The following CNTNAP2 variants were observed in gnomAD, a reference collection of about 807,000 sequenced individuals.
CNTNAP2 encodes contactin-associated protein-like 2.
In CNTNAP2, 98 loss-of-function variants were observed where a neutral mutation model predicts 155.2. The observed-to-expected ratio is 0.63, with a 90% CI of 0.54 to 0.75. The LOEUF is 0.75. Ranked by LOEUF, CNTNAP2 falls within the 30% of genes least tolerant of loss-of-function variation. CNTNAP2 has a pLI of 0.00. For missense variants in CNTNAP2, 1,727 were observed against 1,688.1 expected (o/e 1.02, Z -0.40); for synonymous variants, 651 against 631.2 (o/e 1.03, Z -0.47).
chr7:147,778,187 T>A (rs1392639927), intron 13 of CNTNAP2, among the ~76,000 whole-genome samples: 1 of 152,230 alleles, frequency 6.6e-6, no homozygotes, highest in African/African-American at 2.4e-5. Context: ...AGCCTTTTGA[T>A]TACAGTGCCA....
intron 1 of CNTNAP2, among the ~76,000 whole-genome samples, chr7:146,123,611 A>G (rs1011580847): frequency 3.3e-5 from 5 of 152,200 alleles, no homozygotes; most frequent in African/African-American, 1.2e-4. Flanking sequence ...GTGAAAAGGA[A>G]AATCTTGCCT....
chr7:146,689,775 TTTAAG>T (rs1800666131), intron 1 of CNTNAP2, among the ~76,000 whole-genome samples: 1 of 152,108 alleles, frequency 6.6e-6, no homozygotes, highest in Admixed American at 6.6e-5. Context: ...GCATTTCACA[TTTAAG>T]TTATTTTCTG....
chr7:147,146,507 C>T (rs902377152), intron 8 of CNTNAP2: 7 of 153,008 alleles, frequency 4.6e-5, no homozygotes, highest in East Asian at 1.9e-4. Flanking sequence ...GTGTTATAAA[C>T]GAGTAACTCC....
chr7:147,401,503 G>T (rs1288748163), intron 10 of CNTNAP2, among the ~76,000 whole-genome samples: 3 of 152,052 alleles, frequency 2.0e-5, no homozygotes, highest in African/African-American at 7.2e-5. Context: ...TTTAAATGAG[G>T]ATTAGGTAGA....
intron 2 of CNTNAP2, among the ~76,000 whole-genome samples, chr7:146,816,213 G>A (rs1424623086): frequency 1.3e-5 from 2 of 152,062 alleles, no homozygotes; most frequent in Non-Finnish European, 2.9e-5. Context: ...TGGTACTCAT[G>A]GTATGTGCTC....
intron 12 of CNTNAP2, among the ~76,000 whole-genome samples, chr7:147,578,345 T>C (rs896025906): frequency 6.6e-6 from 1 of 152,126 alleles, no homozygotes; most frequent in African/African-American, 2.4e-5. Context: ...GCATTTAGAA[T>C]TTAGAGGGCT....
intron 13 of CNTNAP2, among the ~76,000 whole-genome samples, chr7:147,659,158 C>G (rs75271817): frequency 0.061 from 9,224 of 152,184 alleles, 849 homozygotes; most frequent in African/African-American, 0.2. Flanking sequence ...TGGGTGGACT[C>G]AGAAGATGTG....
rs71525975 is a variant in CNTNAP2 at position 146,829,333 on chromosome 7, TA to T, written c.209-10368del. On this transcript the variant is annotated intron_variant, in intron 2 of 23. Coordinates refer to ENST00000361727, the MANE Select transcript of CNTNAP2 (RefSeq NM_014141.6). ...TTATGTCTGGATATTATCAGCACTG[TA>T]AAAAAAAAAGTTCTAATAACTTTTG... 9.9e-4 allele frequency among the ~76,000 whole-genome samples: 147 copies of T among 148,182 alleles called. 1 individual carries two copies. Among genetic ancestry groups the T allele is most frequent in the East Asian group, 2.4e-3 (12 of 5,100 alleles).
chr7:146,298,713 A>G (rs528024112), intron 1 of CNTNAP2, among the ~76,000 whole-genome samples: 3 of 152,342 alleles, frequency 2.0e-5, no homozygotes, highest in South Asian at 4.1e-4. Flanking sequence ...ATGCATGTTC[A>G]ACACTGGAGA....
At chr7:146,173,845 A>G (rs1479442215) in intron 1 of CNTNAP2, among the ~76,000 whole-genome samples, 2 of 152,174 alleles carry the variant, frequency 1.3e-5, no homozygotes, top group Non-Finnish European at 2.9e-5. Flanking sequence ...ATATGTGGAT[A>G]AAAGTGTGCT....
chr7:147,315,475 G>A (rs1211959391), intron 9 of CNTNAP2, among the ~76,000 whole-genome samples: 1 of 128,862 alleles, frequency 7.8e-6, no homozygotes, highest in African/African-American at 2.9e-5. Flanking sequence ...TGTTTATTCT[G>A]GACTTTTTTT....
intron 13 of CNTNAP2, among the ~76,000 whole-genome samples, chr7:147,779,041 C>A (rs1797628399): frequency 1.3e-5 from 2 of 152,144 alleles, no homozygotes; most frequent in Admixed American, 6.5e-5. Context: ...GAGAAATACA[C>A]AAATTACTCT....
At chr7:146,551,702 G>T (rs543480897) in intron 1 of CNTNAP2, among the ~76,000 whole-genome samples, 1 of 152,116 alleles carries the variant, frequency 6.6e-6, no homozygotes, top group African/African-American at 2.4e-5. Flanking sequence ...TTTATTTTCT[G>T]GTCTATGTAT....
chr7:147,525,967 C>T (rs1482578540), intron 11 of CNTNAP2, among the ~76,000 whole-genome samples: 1 of 151,868 alleles, frequency 6.6e-6, no homozygotes, highest in Non-Finnish European at 1.5e-5. Context: ...TTGAGGCAGG[C>T]AGATCACTTG....
intron 14 of CNTNAP2, among the ~76,000 whole-genome samples, chr7:147,946,510 A>G (rs1922887): frequency 6.6e-6 from 1 of 151,920 alleles, no homozygotes; most frequent in Admixed American, 6.6e-5. Context: ...AAGGTTTTAC[A>G]CAAAACTTTA....
chr7:146,508,917 GCCCCCTGCAGAAGGAGTACCTT>G (rs1797425640), intron 1 of CNTNAP2, among the ~76,000 whole-genome samples: 1 of 152,080 alleles, frequency 6.6e-6, no homozygotes. Context: ...CCATGAGATG[GCCCCCTGCAGAAGGAGTACCTT>G]CCCCCTTTTT....
Position 148,347,511 on chromosome 7 carries a change from C to CT in CNTNAP2, c.3476-36130dup, listed in dbSNP as rs112953186. Among the ~76,000 whole-genome samples, 99 of 152,018 alleles carry CT rather than the reference C, an allele frequency of 6.5e-4. 1 individual carries two copies. Among genetic ancestry groups the CT allele is most frequent in the African/African-American group, 2.2e-3 (93 of 41,466 alleles). ...TCACCTAAACCAACATCTCTTTGAC[C>CT]TTTTTTTTACTCATGTGACCAGTTA... On this transcript the variant is annotated intron_variant, in intron 21 of 23. Coordinates refer to ENST00000361727, the MANE Select transcript of CNTNAP2 (RefSeq NM_014141.6).
chr7:146,161,150 GC>G (rs1372164433), intron 1 of CNTNAP2, among the ~76,000 whole-genome samples: 4 of 152,068 alleles, frequency 2.6e-5, no homozygotes, highest in Non-Finnish European at 2.9e-5. Context: ...AAATTCAACA[GC>G]CCTTCATGCT....
chr7:147,357,925 T>C (rs948048382), intron 9 of CNTNAP2, among the ~76,000 whole-genome samples: 2 of 152,088 alleles, frequency 1.3e-5, no homozygotes, highest in African/African-American at 4.8e-5. Flanking sequence ...AAACAAAAAG[T>C]AAATTTACAG....
Sources: allele counts gnomAD v4.1 joint callset (sites outside exome capture counted in the v4.1 genomes callset), GRCh38; gene constraint gnomAD v4.1.1; transcripts MANE v1.5; gene names NCBI Gene and HGNC (gene_info 2026-07-23, HGNC 2026-07-21).